CNTNAP4: variants seen among roughly 807,000 people sequenced by gnomAD.
The protein encoded by CNTNAP4 is contactin associated protein family member 4, also known as contactin-associated protein-like 4.
Under a neutral mutation model 148.4 loss-of-function variants are expected in CNTNAP4, and 98 were observed. The ratio of observed to expected loss-of-function variants is 0.66; its 90% CI spans 0.56 to 0.78. The LOEUF (loss-of-function observed/expected upper bound fraction) is 0.78, where lower values mean the gene tolerates loss of function less well. Ranked by LOEUF, CNTNAP4 falls within the 30% of genes least tolerant of loss-of-function variation. The pLI is 0.00. For synonymous variants in CNTNAP4, 730 were observed against 565.1 expected (o/e 1.29, Z -4.14); for missense variants, 1,935 against 1,565.6 (o/e 1.24, Z -3.98).
At position 76,348,983 on chromosome 16, in the gene CNTNAP4, G is replaced by A. The variant is rs1309183038; in HGVS notation, c.197-6335G>A. On this transcript the variant is annotated intron_variant, in intron 2 of 23. Transcript: ENST00000611870. ...TTAAAGAGAATATAAAAATAATGAA[G>A]CAGGAGAGAGGAGAATTGCTAAAGC... Among the ~76,000 whole-genome samples, 3 of 152,036 alleles carry A rather than the reference G, an allele frequency of 2.0e-5. No individual in the cohort carries two copies. The East Asian group carries it at 5.8e-4, about 29-fold the overall frequency.
At chr16:76,323,669 C>G (rs945696983) in intron 2 of CNTNAP4, among the ~76,000 whole-genome samples, 4 of 152,120 alleles carry the variant, frequency 2.6e-5, no homozygotes, top group Non-Finnish European at 5.9e-5. Flanking sequence ...ATTGCCCTCC[C>G]TCCTTGGCCC....
intron 21 of CNTNAP4, among the ~76,000 whole-genome samples, chr16:76,543,515 A>G (rs1000390955): frequency 1.3e-5 from 2 of 152,208 alleles, no homozygotes; most frequent in African/African-American, 4.8e-5. Flanking sequence ...GAAAATGTGA[A>G]GGAGCTGGCT....
At chr16:76,389,040 T>A (rs2016738936) in intron 3 of CNTNAP4, among the ~76,000 whole-genome samples, 1 of 152,230 alleles carries the variant, frequency 6.6e-6, no homozygotes, top group South Asian at 2.1e-4. Context: ...AAACCTTATG[T>A]CATTATAATA....
chr16:76,472,991 C>CTATA (rs1173191523), intron 10 of CNTNAP4, among the ~76,000 whole-genome samples: 1 of 152,060 alleles, frequency 6.6e-6, no homozygotes, highest in Non-Finnish European at 1.5e-5. Flanking sequence ...TAAGTATACT[C>CTATA]CGTGAGGGGG....
intron 8 of CNTNAP4, among the ~76,000 whole-genome samples, chr16:76,458,122 T>C (rs1004087422): frequency 3.3e-5 from 5 of 152,200 alleles, no homozygotes; most frequent in African/African-American, 1.2e-4. Context: ...GCAAACAATG[T>C]TATTCCATTC....
At chr16:76,299,230 A>C (rs1597116958) in intron 1 of CNTNAP4, among the ~76,000 whole-genome samples, 2 of 152,196 alleles carry the variant, frequency 1.3e-5, no homozygotes, top group Admixed American at 1.3e-4. Flanking sequence ...AATGGGAGAA[A>C]ATTTTTGCAA....
chr16:76,347,574 G>A (rs552032888), intron 2 of CNTNAP4, among the ~76,000 whole-genome samples: 10 of 152,286 alleles, frequency 6.6e-5, no homozygotes, highest in East Asian at 3.9e-4. Context: ...GTAGGACTGC[G>A]GAGCAGAAGG....
At chr16:76,345,643 C>G (rs1425275750) in intron 2 of CNTNAP4, among the ~76,000 whole-genome samples, 1 of 152,126 alleles carries the variant, frequency 6.6e-6, no homozygotes, top group Non-Finnish European at 1.5e-5. Flanking sequence ...GGCTCCTACC[C>G]TCCCACAGAG....
At chr16:76,293,166 C>T (rs1306357195) in intron 1 of CNTNAP4, among the ~76,000 whole-genome samples, 2 of 151,672 alleles carry the variant, frequency 1.3e-5, no homozygotes, top group African/African-American at 4.8e-5. Context: ...CACTCTGTTG[C>T]CAGGCTGGAG....
intron 17 of CNTNAP4, among the ~76,000 whole-genome samples, chr16:76,529,101 T>C (rs2083864868): frequency 6.6e-6 from 1 of 152,218 alleles, no homozygotes; most frequent in Non-Finnish European, 1.5e-5. Context: ...CCTCCTCTCC[T>C]CCAGATAATT....
At chr16:76,414,305 C>T (rs8056627) in intron 3 of CNTNAP4, among the ~76,000 whole-genome samples, 123,861 of 151,284 alleles carry the variant, frequency 0.82, 50,847 homozygotes, top group Non-Finnish European at 0.85. Context: ...CCATATGTTA[C>T]TTAATGTGAT....
At chr16:76,552,370 A>G (rs1322428007) in intron 21 of CNTNAP4, among the ~76,000 whole-genome samples, 2 of 152,064 alleles carry the variant, frequency 1.3e-5, no homozygotes, top group African/African-American at 4.8e-5. Context: ...TTTTTATCAC[A>G]CTGGGTGGAT....
chr16:76,379,440 G>T (rs895240549), intron 3 of CNTNAP4, among the ~76,000 whole-genome samples: 3 of 143,462 alleles, frequency 2.1e-5, no homozygotes, highest in Admixed American at 6.7e-5. Flanking sequence ...TTTAAACTTT[G>T]TTTGGGGTTT....
chr16:76,384,497 G>C (rs941661037), intron 3 of CNTNAP4, among the ~76,000 whole-genome samples: 1 of 152,128 alleles, frequency 6.6e-6, no homozygotes, highest in African/African-American at 2.4e-5. Flanking sequence ...CCCAAGCGAG[G>C]ATTCAGCCAG....
At chr16:76,480,163 TG>T (rs1489989323) in intron 12 of CNTNAP4, among the ~76,000 whole-genome samples, 3 of 151,872 alleles carry the variant, frequency 2.0e-5, no homozygotes, top group Admixed American at 6.6e-5. Flanking sequence ...ATATAAATAT[TG>T]GGGAAAAAAA....
chr16:76,327,510 T>C lies in CNTNAP4; in HGVS notation c.196+10987T>C, dbSNP rs148227670. On this transcript the variant is annotated intron_variant, in intron 2 of 23. Transcript: ENST00000611870. ...TGCTGTTGTGACCAGCTCTGTGATA[T>C]GGACAATTTTTGTATGACACTTACA... 5.1e-3 allele frequency among the ~76,000 whole-genome samples: 776 copies of C among 152,262 alleles called. 3 individuals carry two copies. The highest frequency in any genetic ancestry group is 0.013 in the African/African-American group (524 of 41,554).
Position 76,475,953 on chromosome 16 carries a change from A to G in CNTNAP4, c.1670A>G (p.Tyr557Cys), listed in dbSNP as rs763339314. The G allele has an allele frequency of 3.1e-6, 5 of 1,613,538 alleles. No homozygotes were observed. In the African/African-American group the frequency reaches 4.0e-5, roughly 13 times the overall value. Reference sequence around the variant, plus strand: ...CCTTCTTTTAGGTGTTTGCCCAACTATTGTGAACACGGTGGGGAGTGTTCC... The same window carrying G: ...CCTTCTTTTAGGTGTTTGCCCAACTGTTGTGAACACGGTGGGGAGTGTTCC... Reference protein sequence around the residue: ...CGISDRCLPNYCEHGGECSQS... With the variant: ...CGISDRCLPNCCEHGGECSQS... The change falls in exon 11 of 24, where the codon TAT (tyrosine) becomes TGT (cysteine). Residue 557 changes from tyrosine to cysteine, a missense_variant. Transcript: ENST00000611870.
intron 14 of CNTNAP4, 53 bp from the exon 15 acceptor site, chr16:76,498,514 A>C: frequency 6.5e-7 from 1 of 1,544,506 alleles, no homozygotes; most frequent in Non-Finnish European, 8.8e-7. Flanking sequence ...TTTGCAATGC[A>C]ATAAGGACTA....
intron 15 of CNTNAP4, among the ~76,000 whole-genome samples, chr16:76,502,215 G>A (rs1029135550): frequency 6.6e-6 from 1 of 152,168 alleles, no homozygotes; most frequent in East Asian, 1.9e-4. Flanking sequence ...GTCACGTGAG[G>A]TTATTTTCTG....
Sources: allele counts gnomAD v4.1 joint callset (sites outside exome capture counted in the v4.1 genomes callset), GRCh38; gene constraint gnomAD v4.1.1; transcripts MANE v1.5; gene names NCBI Gene and HGNC (gene_info 2026-07-23, HGNC 2026-07-21).